Variants in SLC7A7 observed in about 807,000 individuals in gnomAD.
SLC7A7 encodes solute carrier family 7 member 7.
SLC7A7 carries 39 observed loss-of-function variants against 47.9 expected under a neutral mutation model. The observed-to-expected ratio is 0.81, with a 90% CI of 0.63 to 1.06. SLC7A7 has a LOEUF of 1.06. SLC7A7 is among the 50% of genes least tolerant of loss of function. SLC7A7 has a pLI of 0.00. For missense variants in SLC7A7, 588 were observed against 632.0 expected, an observed-to-expected ratio of 0.93 and a Z score of 0.75; for synonymous variants, 234 against 242.8, an observed-to-expected ratio of 0.96 and a Z score of 0.34.
At chr14:22,800,800 G>A (rs1021211374) in intron 2 of SLC7A7, among the ~76,000 whole-genome samples, 49 of 152,236 alleles carry the variant, frequency 3.2e-4, no homozygotes, top group African/African-American at 1.1e-3. Flanking sequence ...TTAGCCGGGC[G>A]TGGTGGGGCA....
chr14:22,801,041 C>A (rs1181672708), intron 2 of SLC7A7, among the ~76,000 whole-genome samples: 1 of 152,146 alleles, frequency 6.6e-6, no homozygotes, highest in South Asian at 2.1e-4. Context: ...GGACCCTGAC[C>A]TAGAACTGTC....
intron 2 of SLC7A7, among the ~76,000 whole-genome samples, chr14:22,810,084 A>C (rs2138652643): frequency 6.6e-6 from 1 of 150,476 alleles, no homozygotes. Flanking sequence ...CAGAAAATTA[A>C]AAAGGGTTGA....
At chr14:22,811,601 A>G (rs1199870025) in intron 2 of SLC7A7, among the ~76,000 whole-genome samples, 1 of 152,158 alleles carries the variant, frequency 6.6e-6, no homozygotes, top group East Asian at 1.9e-4. Flanking sequence ...TGTGATCCCA[A>G]CACTTTGGGA....
At chr14:22,809,342 CTTTT>C (rs572640614) in intron 2 of SLC7A7, among the ~76,000 whole-genome samples, 2 of 133,668 alleles carry the variant, frequency 1.5e-5, no homozygotes, top group Non-Finnish European at 1.6e-5. Flanking sequence ...CCACACCCAG[CTTTT>C]TTTTTTTTTT....
At chr14:22,775,385 G>T in intron 7 of SLC7A7, 59 bp downstream of exon 7, 1 of 1,295,570 alleles carries the variant, frequency 7.7e-7, no homozygotes. Flanking sequence ...AGTCGCTTCT[G>T]CTGTTACTAA....
chr14:22,777,592 G>T (rs558205920), intron 4 of SLC7A7, among the ~76,000 whole-genome samples: 1 of 152,234 alleles, frequency 6.6e-6, no homozygotes, highest in Admixed American at 6.5e-5. Context: ...CACAAAGTGG[G>T]GCAAATACTC....
intron 9 of SLC7A7, 57 bp from the exon 10 acceptor site, chr14:22,773,773 T>C: frequency 6.4e-7 from 1 of 1,563,314 alleles, no homozygotes; most frequent in South Asian, 1.1e-5. Flanking sequence ...TGAGTTCAAG[T>C]GTCACTGAAT....
chr14:22,788,124 A>G (rs2038853820), intron 2 of SLC7A7, among the ~76,000 whole-genome samples: 3 of 152,326 alleles, frequency 2.0e-5, no homozygotes, highest in African/African-American at 7.2e-5. Flanking sequence ...TGTATAGTCT[A>G]TCACTGTAGA....
intron 4 of SLC7A7, among the ~76,000 whole-genome samples, chr14:22,777,406 A>G (rs1200815126): frequency 6.6e-6 from 1 of 152,184 alleles, no homozygotes; most frequent in Non-Finnish European, 1.5e-5. Flanking sequence ...AAGTGTATGT[A>G]TCTGACTAGC....
At chr14:22,810,778 G>C (rs1193513882) in intron 2 of SLC7A7, among the ~76,000 whole-genome samples, 16 of 152,164 alleles carry the variant, frequency 1.1e-4, no homozygotes, top group Non-Finnish European at 4.4e-5. Context: ...GGGAGTTCAA[G>C]ACCAGCCTGA....
chr14:22,780,586 G>C (rs980476179), intron 2 of SLC7A7: 2 of 160,096 alleles, frequency 1.2e-5, no homozygotes, highest in Non-Finnish European at 2.8e-5. Flanking sequence ...TGGCAGCTCA[G>C]CTGCCTGCTT....
At chr14:22,807,293 C>T (rs2039230185) in intron 2 of SLC7A7, among the ~76,000 whole-genome samples, 1 of 152,154 alleles carries the variant, frequency 6.6e-6, no homozygotes, top group South Asian at 2.1e-4. Flanking sequence ...GTTTCAGCTC[C>T]CTAAACCAGT....
chr14:22,807,526 A>C (rs1172852942), intron 2 of SLC7A7, among the ~76,000 whole-genome samples: 1 of 152,124 alleles, frequency 6.6e-6, no homozygotes, highest in Non-Finnish European at 1.5e-5. Flanking sequence ...TGACTGCACC[A>C]CTGCACTCCT....
chr14:22,809,359 G>A (rs75221649), intron 2 of SLC7A7, among the ~76,000 whole-genome samples: 1 of 67,770 alleles, frequency 1.5e-5, no homozygotes, highest in African/African-American at 5.9e-5. Flanking sequence ...TTTTTTTTTT[G>A]AGACAGAGTC....
chr14:22,787,304 T>C (rs1048801249), intron 2 of SLC7A7, among the ~76,000 whole-genome samples: 2 of 151,210 alleles, frequency 1.3e-5, no homozygotes, highest in Admixed American at 6.6e-5. Flanking sequence ...GGTGTGGTGG[T>C]GGGCACCTGT....
intron 2 of SLC7A7, among the ~76,000 whole-genome samples, chr14:22,802,385 A>G (rs928931626): frequency 6.6e-6 from 1 of 152,052 alleles, no homozygotes; most frequent in African/African-American, 2.4e-5. Flanking sequence ...CCTGGGCGAC[A>G]GAGCAAGACT....
chr14:22,802,525 A>C (rs1209378789), intron 2 of SLC7A7, among the ~76,000 whole-genome samples: 1 of 152,192 alleles, frequency 6.6e-6, no homozygotes, highest in Non-Finnish European at 1.5e-5. Flanking sequence ...AAAACTTACA[A>C]GATGGTAGAT....
At chr14:22,788,690 T>C (rs1021219251) in intron 2 of SLC7A7, among the ~76,000 whole-genome samples, 5 of 136,660 alleles carry the variant, frequency 3.7e-5, no homozygotes, top group East Asian at 2.1e-4. Flanking sequence ...GGCGACAGAG[T>C]GAGACTCTGT....
intron 3 of SLC7A7, among the ~76,000 whole-genome samples, chr14:22,779,454 C>A (rs1023438764): frequency 7.3e-6 from 1 of 136,324 alleles, no homozygotes; most frequent in Non-Finnish European, 1.6e-5. Flanking sequence ...ATATTTAATT[C>A]TTTTTTTTTT....
Sources: allele counts gnomAD v4.1 joint callset (sites outside exome capture counted in the v4.1 genomes callset), GRCh38; gene constraint gnomAD v4.1.1; transcripts MANE v1.5; gene names NCBI Gene and HGNC (gene_info 2026-07-23, HGNC 2026-07-21).